The following LPP variants were observed in gnomAD, a reference collection of about 807,000 sequenced individuals.
LPP encodes the protein lipoma-preferred partner.
LPP carries 38 observed loss-of-function variants against 60.4 expected under a neutral mutation model. The observed-to-expected ratio is 0.63, with a 90% CI of 0.49 to 0.83. The LOEUF (loss-of-function observed/expected upper bound fraction) is 0.83. LPP is among the 40% of genes least tolerant of loss of function. The pLI, the probability that LPP is intolerant of heterozygous loss-of-function variation, is 0.00. For synonymous variants in LPP, 328 were observed against 290.8 expected (o/e 1.13, Z -1.30); for missense variants, 902 against 783.6 (o/e 1.15, Z -1.80).
intron 6 of LPP, among the ~76,000 whole-genome samples, chr3:188,585,904 C>A (rs1009029276): frequency 1.3e-5 from 2 of 152,138 alleles, no homozygotes; most frequent in Non-Finnish European, 2.9e-5. Flanking sequence ...CACTGTTTTA[C>A]AGGCTGTGCA....
intron 7 of LPP, among the ~76,000 whole-genome samples, chr3:188,621,645 A>G (rs922035420): frequency 2.6e-5 from 4 of 151,970 alleles, no homozygotes; most frequent in African/African-American, 9.7e-5. Context: ...ATTCATTTAG[A>G]TGGACTCCAT....
At chr3:188,322,740 T>G (rs1757300655) in intron 2 of LPP, among the ~76,000 whole-genome samples, 2 of 152,224 alleles carry the variant, frequency 1.3e-5, no homozygotes, top group Non-Finnish European at 2.9e-5. Flanking sequence ...TCTGCTATTT[T>G]CTAGTTGTAT....
At chr3:188,310,395 C>T (rs1014847921) in intron 2 of LPP, among the ~76,000 whole-genome samples, 6 of 151,864 alleles carry the variant, frequency 4.0e-5, no homozygotes, top group South Asian at 2.1e-4. Flanking sequence ...TTGATGAGTG[C>T]GCTATAGGTG....
intron 6 of LPP, among the ~76,000 whole-genome samples, chr3:188,552,897 G>A (rs547383468): frequency 6.6e-6 from 1 of 152,262 alleles, no homozygotes; most frequent in African/African-American, 2.4e-5. Context: ...TTCTTGGCGG[G>A]GTGGGGAGGG....
chr3:188,203,420 A>ATT (rs370853021), intron 1 of LPP, among the ~76,000 whole-genome samples: 46,950 of 92,288 alleles, frequency 0.51, 12,854 homozygotes, highest in East Asian at 0.78. Flanking sequence ...ATATATATAT[A>ATT]ATATAAATAT....
At chr3:188,446,563 A>C (rs551604549) in intron 4 of LPP, among the ~76,000 whole-genome samples, 1 of 152,292 alleles carries the variant, frequency 6.6e-6, no homozygotes, top group South Asian at 2.1e-4. Context: ...GTTTGTAAAC[A>C]ATCTCCTTTT....
intron 9 of LPP, among the ~76,000 whole-genome samples, chr3:188,863,215 T>C (rs1386281408): frequency 6.6e-6 from 1 of 152,248 alleles, no homozygotes; most frequent in East Asian, 1.9e-4. Flanking sequence ...AATTACAGAG[T>C]TTGAATTAAT....
intron 2 of LPP, among the ~76,000 whole-genome samples, chr3:188,331,136 T>C (rs1759950668): frequency 6.6e-6 from 1 of 152,196 alleles, no homozygotes; most frequent in South Asian, 2.1e-4. Flanking sequence ...AGGATGGTGC[T>C]ATCTCATGCT....
At chr3:188,407,417 A>G (rs1328285461) in intron 4 of LPP, among the ~76,000 whole-genome samples, 1 of 152,132 alleles carries the variant, frequency 6.6e-6, no homozygotes, top group Non-Finnish European at 1.5e-5. Flanking sequence ...TGTAAGGTGA[A>G]CACCTAGGTT....
chr3:188,656,736 G>C (rs1853299327), intron 7 of LPP, among the ~76,000 whole-genome samples: 2 of 152,168 alleles, frequency 1.3e-5, no homozygotes, highest in African/African-American at 4.8e-5. Flanking sequence ...TCCTCCATTT[G>C]AAATGCAGGT....
chr3:188,534,523 T>G (rs1208483746), intron 6 of LPP, among the ~76,000 whole-genome samples: 2 of 152,216 alleles, frequency 1.3e-5, no homozygotes, highest in African/African-American at 4.8e-5. Flanking sequence ...TCTATTTTGG[T>G]GGTAGTGTTA....
At chr3:188,706,787 C>A (rs965165609) in intron 7 of LPP, among the ~76,000 whole-genome samples, 3 of 152,254 alleles carry the variant, frequency 2.0e-5, no homozygotes, top group East Asian at 1.9e-4. Context: ...GAAAAGAGAA[C>A]CTTTTGGCCA....
At position 188,443,727 on chromosome 3, in the gene LPP, T is replaced by C. The variant is rs1041068697; in HGVS notation, c.193+37414T>C. Among the ~76,000 whole-genome samples, 3 of 152,230 alleles carry C rather than the reference T, an allele frequency of 2.0e-5. No individual in the cohort carries two copies. The East Asian group carries it at 5.8e-4, about 29-fold the overall frequency. ...CCCCATTCCTTAAGATGGAAACAAG[T>C]GTTCCAGTTATAGCTATACCATGTG... On this transcript the variant is annotated intron_variant, in intron 4 of 11. Transcript: ENST00000617246.
intron 9 of LPP, among the ~76,000 whole-genome samples, chr3:188,858,613 C>T (rs941473879): frequency 1.3e-5 from 2 of 152,130 alleles, no homozygotes; most frequent in African/African-American, 2.4e-5. Flanking sequence ...TTGAATAGAA[C>T]GGCCTAATTG....
At position 188,459,316 on chromosome 3, in the gene LPP, T is replaced by A. The variant is rs569075587; in HGVS notation, c.194-25276T>A. On this transcript the variant is annotated intron_variant, in intron 4 of 11. Coordinates refer to ENST00000617246, the MANE Select transcript of LPP (RefSeq NM_001375462.1). ...TAACAACTTATGTGCTTAATTTGAA[T>A]GAACACGCCCAGAAAAACAGGAGAG... is the stretch of plus-strand genomic sequence containing the variant. Among the ~76,000 whole-genome samples the A allele has an allele frequency of 4.6e-5, 7 of 152,062 alleles. No individual in the cohort carries two copies. The South Asian group carries it at 1.5e-3, about 32-fold the overall frequency.
rs775289497 is a variant in LPP, at chr3:188,520,933, G to A, written c.307-3732G>A. 6.4e-4 allele frequency among the ~76,000 whole-genome samples: 98 copies of A among 152,112 alleles called. 1 individual carries two copies. The highest frequency in any genetic ancestry group is 1.2e-3 in the Non-Finnish European group (82 of 68,022). On this transcript the variant is annotated intron_variant, in intron 5 of 11. Coordinates refer to ENST00000617246, the MANE Select transcript of LPP (RefSeq NM_001375462.1). The stretch of plus-strand genomic sequence containing the variant: ...AGAAAGACATGTTGGTAAGTCTATA[G>A]GATTCTGTTGCTTGGTTATAGGACT...
At chr3:188,282,532 T>C (rs934363723) in intron 2 of LPP, among the ~76,000 whole-genome samples, 13 of 152,276 alleles carry the variant, frequency 8.5e-5, no homozygotes, top group Admixed American at 7.8e-4. Flanking sequence ...GCTCAGAGCC[T>C]CTGTCTTGAG....
intron 7 of LPP, among the ~76,000 whole-genome samples, chr3:188,626,345 C>G (rs2151645059): frequency 6.6e-6 from 1 of 152,140 alleles, no homozygotes; most frequent in Non-Finnish European, 1.5e-5. Flanking sequence ...ATGATTTAAA[C>G]TATGTAAGAG....
Position 188,708,363 on chromosome 3 carries a change from A to G in LPP, c.1210A>G (p.Met404Val). 2 of 1,614,226 alleles carry G rather than the reference A, an allele frequency of 1.2e-6. No individual in the cohort carries two copies. The highest frequency in any genetic ancestry group is 1.7e-6 in the Non-Finnish European group (2 of 1,180,026). ...EHLTKKMLYD[M>V]ENPPADEYFG... ...CCTGACCAAAAAGATGCTGTATGAC[A>G]TGGAAAATCCACCTGCTGACGAATA... The change falls in exon 8 of 12, where the codon ATG becomes GTG. Residue 404 changes from methionine to valine, a missense_variant. Met to Val is a conservative substitution (Grantham distance 21). Coordinates refer to ENST00000617246, the MANE Select transcript of LPP (RefSeq NM_001375462.1).
Sources: gnomAD v4.1 joint callset for allele counts (sites outside exome capture counted in the v4.1 genomes callset) on GRCh38, gnomAD v4.1.1 for gene constraint, MANE v1.5 for transcripts, NCBI Gene and HGNC (gene_info 2026-07-23, HGNC 2026-07-21) for gene names.